The following LMBRD1 variants were observed in gnomAD, a reference collection of about 807,000 sequenced individuals.
The protein encoded by LMBRD1 is lysosomal cobalamin transport escort protein LMBD1.
LMBRD1 carries 64 observed loss-of-function variants against 74.8 expected under a neutral mutation model. That is an observed-to-expected ratio of 0.86 (90% CI 0.70 to 1.05). The LOEUF is 1.05. LMBRD1 is among the 50% of genes least tolerant of loss of function. The pLI is 0.00. For missense variants in LMBRD1, 652 were observed against 645.9 expected, an observed-to-expected ratio of 1.01 and a Z score of -0.10; for synonymous variants, 204 against 216.3, an observed-to-expected ratio of 0.94 and a Z score of 0.50.
chr6:69,680,886 A>G (rs1207288343), intron 14 of LMBRD1, among the ~76,000 whole-genome samples: 1 of 151,984 alleles, frequency 6.6e-6, no homozygotes, highest in East Asian at 1.9e-4. Flanking sequence ...CCAGCTGCTC[A>G]CCTGAATCAC....
chr6:69,725,690 G>A lies in LMBRD1; in HGVS notation c.637-6609C>T, dbSNP rs945711625. On this transcript the variant is annotated intron_variant, in intron 7 of 15. Coordinates refer to ENST00000649934, the MANE Select transcript of LMBRD1 (RefSeq NM_018368.4). ...GGAAACTGGATATCCATATGTAGAA[G>A]AATGAATCTAGACCCCTATCTCTTG... Among the ~76,000 whole-genome samples, 4 of 152,220 alleles carry A rather than the reference G, an allele frequency of 2.6e-5. No individual in the cohort carries two copies. In the East Asian group the frequency reaches 7.7e-4, roughly 29 times the overall value.
In LMBRD1 at chr6:69,700,870, C is replaced by A; in HGVS notation, c.1084-1G>T. On this transcript the variant is annotated splice_acceptor_variant, in intron 11 of 15. Transcript: ENST00000649934. LOFTEE classifies it high-confidence loss of function. Reference sequence around the variant, plus strand: ...TAAGAATATAATCAAGAGGGAAAACCTGAAAAAAAAAGATGAAATTAAATT... The same window carrying A: ...TAAGAATATAATCAAGAGGGAAAACATGAAAAAAAAAGATGAAATTAAATT... 2.9e-6 allele frequency: 4 copies of A among 1,363,070 alleles called. No homozygotes were observed. The highest frequency in any genetic ancestry group is 1.5e-5 in the African/African-American group (1 of 66,786). The allele number at this position is 1,363,070 out of a possible 1,614,324, so 84.4% of individuals were successfully genotyped here.
chr6:69,793,042 T>C (rs1371381761), intron 1 of LMBRD1, among the ~76,000 whole-genome samples: 4 of 152,354 alleles, frequency 2.6e-5, no homozygotes, highest in Admixed American at 6.5e-5. Flanking sequence ...AATACTTCTT[T>C]CATAACAAGT....
At chr6:69,713,929 A>T in intron 8 of LMBRD1, 132 bp from the exon 9 acceptor site, 2 of 860,996 alleles carry the variant, frequency 2.3e-6, no homozygotes, top group Non-Finnish European at 1.8e-6. Context: ...ACTAAAAAAA[A>T]CCTGACAACT....
chr6:69,772,232 A>G (rs1257757425), intron 3 of LMBRD1, among the ~76,000 whole-genome samples: 1 of 152,240 alleles, frequency 6.6e-6, no homozygotes, highest in Non-Finnish European at 1.5e-5. Flanking sequence ...AAGCAATGGT[A>G]TAAAATCACC....
intron 3 of LMBRD1, among the ~76,000 whole-genome samples, chr6:69,752,955 G>T (rs1190870025): frequency 2.0e-5 from 3 of 152,162 alleles, no homozygotes; most frequent in Non-Finnish European, 4.4e-5. Context: ...GACCACAGGG[G>T]TTGCTTCCAA....
chr6:69,758,692 C>T (rs980128251), intron 3 of LMBRD1, among the ~76,000 whole-genome samples: 5 of 152,144 alleles, frequency 3.3e-5, no homozygotes, highest in Non-Finnish European at 7.4e-5. Context: ...AAACCAGGAA[C>T]TTCTGAACTG....
At chr6:69,679,186 C>G (rs1765611516) in intron 14 of LMBRD1, among the ~76,000 whole-genome samples, 1 of 152,092 alleles carries the variant, frequency 6.6e-6, no homozygotes, top group African/African-American at 2.4e-5. Context: ...TCTTTCTTCT[C>G]TTTATCAACA....
intron 8 of LMBRD1, among the ~76,000 whole-genome samples, chr6:69,717,250 G>A (rs1473150228): frequency 6.6e-6 from 1 of 152,012 alleles, no homozygotes; most frequent in Admixed American, 6.6e-5. Flanking sequence ...TATCATGGTA[G>A]ATGATATTTG....
intron 3 of LMBRD1, among the ~76,000 whole-genome samples, chr6:69,758,560 G>C (rs1477073344): frequency 1.3e-5 from 2 of 152,042 alleles, no homozygotes; most frequent in Non-Finnish European, 2.9e-5. Flanking sequence ...ATGTCCTAAG[G>C]ATGGAGAGTA....
chr6:69,769,507 G>C (rs1190401619), intron 3 of LMBRD1, among the ~76,000 whole-genome samples: 1 of 151,906 alleles, frequency 6.6e-6, no homozygotes, highest in Non-Finnish European at 1.5e-5. Flanking sequence ...TCCACTATAT[G>C]CTGTTTTCCT....
intron 7 of LMBRD1, among the ~76,000 whole-genome samples, chr6:69,737,337 T>TC (rs1766997896): frequency 6.6e-6 from 1 of 152,036 alleles, no homozygotes. Context: ...GAGAAGTCTG[T>TC]ATACAACTTG....
chr6:69,744,640 C>T (rs1022042147), intron 5 of LMBRD1, among the ~76,000 whole-genome samples: 4 of 152,112 alleles, frequency 2.6e-5, no homozygotes, highest in Non-Finnish European at 4.4e-5. Context: ...TCACTTCTTA[C>T]ACTCCATCAC....
Position 69,790,305 on chromosome 6 carries a change from A to G in LMBRD1, c.237T>C (p.Gly79=). Residue 79 remains glycine (G), a synonymous_variant, in exon 2 of 16, where the codon GGT becomes GGC. Coordinates refer to ENST00000649934, the MANE Select transcript of LMBRD1 (RefSeq NM_018368.4). ...FLVSYMKNQN[G]TFKDWANANV... ...GTAAGATTATATTTACCTTAAATGT[A>G]CCATTTTGATTTTTCATGTAAGAAA... 1 of 1,606,654 alleles carries G rather than the reference A, an allele frequency of 6.2e-7. No individual in the cohort carries two copies.
At chr6:69,744,422 A>G (rs1391743583) in intron 5 of LMBRD1, among the ~76,000 whole-genome samples, 1 of 152,246 alleles carries the variant, frequency 6.6e-6, no homozygotes, top group Non-Finnish European at 1.5e-5. Context: ...AATACAAACT[A>G]CAGCCTAGTA....
intron 3 of LMBRD1, among the ~76,000 whole-genome samples, chr6:69,774,131 G>C (rs1036675810): frequency 6.6e-6 from 1 of 152,224 alleles, no homozygotes; most frequent in Non-Finnish European, 1.5e-5. Flanking sequence ...TGGAATCATG[G>C]GGACGGGTAT....
intron 3 of LMBRD1, among the ~76,000 whole-genome samples, chr6:69,776,409 G>A (rs1266562161): frequency 6.6e-6 from 1 of 152,038 alleles, no homozygotes; most frequent in Non-Finnish European, 1.5e-5. Flanking sequence ...CACCTAAACT[G>A]GTACCTAAGA....
intron 3 of LMBRD1, among the ~76,000 whole-genome samples, chr6:69,764,050 A>G (rs1196604358): frequency 3.0e-5 from 3 of 100,556 alleles, no homozygotes; most frequent in African/African-American, 8.6e-5. Context: ...TGATGCTGCA[A>G]CAAACTTAAC....
At chr6:69,713,899 C>G (rs1435058987) in intron 8 of LMBRD1, 102 bp from the exon 9 acceptor site, 1 of 1,233,342 alleles carries the variant, frequency 8.1e-7, no homozygotes. Flanking sequence ...AGGATGGACA[C>G]TCTTTAGGCA....
Sources: allele counts gnomAD v4.1 joint callset (sites outside exome capture counted in the v4.1 genomes callset), GRCh38; gene constraint gnomAD v4.1.1; transcripts MANE v1.5; gene names NCBI Gene and HGNC (gene_info 2026-07-23, HGNC 2026-07-21).